The following MYO16 variants were observed in gnomAD, a reference collection of about 807,000 sequenced individuals.
MYO16 encodes unconventional myosin-XVI.
MYO16 carries 94 observed loss-of-function variants against 205.3 expected under a neutral mutation model. That is an observed-to-expected ratio of 0.46 (90% CI 0.39 to 0.54). The LOEUF is 0.54. Among genes scored for constraint, MYO16 ranks in the 20% least tolerant of loss-of-function variants. The pLI is 0.00. For missense variants in MYO16, 2,315 were observed against 2,387.5 expected (o/e 0.97, Z 0.63); for synonymous variants, 988 against 954.0 (o/e 1.04, Z -0.66).
At chr13:108,554,276 CT>C in the MYO16 span, among the ~76,000 whole-genome samples, 1 of 151,818 alleles carries the variant, frequency 6.6e-6, no homozygotes, top group Admixed American at 6.6e-5. Context: ...TTCCCTGGGT[CT>C]TTTTCTTGTG....
chr13:108,734,145 C>T (rs1398246305), intron 4 of MYO16, among the ~76,000 whole-genome samples: 2 of 151,580 alleles, frequency 1.3e-5, no homozygotes, highest in Non-Finnish European at 2.9e-5. Flanking sequence ...CAGCATATCA[C>T]CAAATTTTAT....
chr13:108,849,227 G>A (rs1003067717), intron 10 of MYO16, among the ~76,000 whole-genome samples: 1 of 151,990 alleles, frequency 6.6e-6, no homozygotes, highest in African/African-American at 2.4e-5. Context: ...GTCTTACTCT[G>A]TCGCCCAGAC....
chr13:108,851,732 C>A (rs534412880), intron 10 of MYO16, among the ~76,000 whole-genome samples: 1 of 152,092 alleles, frequency 6.6e-6, no homozygotes, highest in South Asian at 2.1e-4. Context: ...CTTGGGCCAC[C>A]TTTTTCTAGA....
At chr13:108,762,114 A>G (rs1885629342) in intron 4 of MYO16, among the ~76,000 whole-genome samples, 1 of 152,014 alleles carries the variant, frequency 6.6e-6, no homozygotes, top group Non-Finnish European at 1.5e-5. Context: ...TTTGTTTCTG[A>G]TTTGTTTCAC....
chr13:108,865,977 A>G (rs2139124757), intron 11 of MYO16, among the ~76,000 whole-genome samples, 200 bp from the exon 12 acceptor site: 1 of 152,212 alleles, frequency 6.6e-6, no homozygotes, highest in South Asian at 2.1e-4. Flanking sequence ...GTTTTATTTA[A>G]TTTGAATTAT....
chr13:109,192,710 T>C (rs1185543773), intron 34 of MYO16, among the ~76,000 whole-genome samples: 2 of 152,054 alleles, frequency 1.3e-5, no homozygotes, highest in Admixed American at 1.3e-4. Context: ...TACAGAATCC[T>C]CCAAGACTCA....
the MYO16 span, among the ~76,000 whole-genome samples, chr13:108,502,805 ATCT>A: frequency 2.6e-5 from 4 of 152,182 alleles, no homozygotes; most frequent in Admixed American, 6.5e-5. Flanking sequence ...GAGCTCTCAA[ATCT>A]TCTTTTGAAA....
chr13:108,534,433 A>T, the MYO16 span, among the ~76,000 whole-genome samples: 1 of 152,146 alleles, frequency 6.6e-6, no homozygotes, highest in African/African-American at 2.4e-5. Context: ...GATTGTTCTT[A>T]GGTTTGGTAG....
chr13:108,611,985 T>TC (rs59573178), intron 1 of MYO16, among the ~76,000 whole-genome samples: 18,679 of 142,864 alleles, frequency 0.13, 951 homozygotes, highest in Non-Finnish European at 0.18. Flanking sequence ...TTTTTTTTTT[T>TC]TTTTTTTTGA....
rs771051876 is a variant in MYO16 at position 109,098,634 on chromosome 13, A to C, written c.3336-2151A>C. On this transcript the variant is annotated intron_variant, in intron 27 of 34. Transcript: ENST00000457511. ...TGCATCTCATCGATTTGCTGAGCAT[A>C]CTTCTCAGATGTAATGGTTTCGCTG... 1.3e-5 allele frequency among the ~76,000 whole-genome samples: 2 copies of C among 152,152 alleles called. 1 individual carries two copies. Among genetic ancestry groups the C allele is most frequent in the South Asian group, 4.1e-4 (2 of 4,836 alleles).
chr13:108,756,064 T>C lies in MYO16; in HGVS notation c.507+28481T>C, dbSNP rs573026012. ...TTTTTATTGTCACTGAGTTCTCTAA[T>C]TTTATTTTTCTGCTCAGTATAAGGT... On this transcript the variant is annotated intron_variant, in intron 4 of 34. Coordinates refer to ENST00000457511, the MANE Select transcript of MYO16 (RefSeq NM_001198950.3). Among the ~76,000 whole-genome samples the C allele has an allele frequency of 3.3e-5, 5 of 152,308 alleles. No individual in the cohort carries two copies. In the South Asian group the frequency reaches 8.3e-4, roughly 25 times the overall value.
At chr13:108,897,973 T>A in intron 14 of MYO16, 43 bp from the exon 15 acceptor site, 1 of 1,442,620 alleles carries the variant, frequency 6.9e-7, no homozygotes, top group Non-Finnish European at 9.7e-7. Context: ...ATTTTATTTC[T>A]TAAAATATGA....
At chr13:109,112,472 A>G (rs1889319287) in intron 28 of MYO16, among the ~76,000 whole-genome samples, 1 of 152,086 alleles carries the variant, frequency 6.6e-6, no homozygotes, top group Non-Finnish European at 1.5e-5. Flanking sequence ...TTAATTTTTG[A>G]TGGCCGGGCA....
At chr13:109,099,976 A>G (rs1475997373) in intron 27 of MYO16, among the ~76,000 whole-genome samples, 2 of 152,226 alleles carry the variant, frequency 1.3e-5, no homozygotes, top group African/African-American at 2.4e-5. Context: ...CGGCTTGCGG[A>G]ACAGCCGAAC....
intron 16 of MYO16, among the ~76,000 whole-genome samples, chr13:108,910,585 G>A (rs1258875491): frequency 6.6e-6 from 1 of 152,196 alleles, no homozygotes; most frequent in Non-Finnish European, 1.5e-5. Context: ...TTCCTTTAAT[G>A]GAGGCAGAAA....
At chr13:108,592,302 G>A (rs1450439201), upstream of MYO16, among the ~76,000 whole-genome samples, 6 of 123,378 alleles carry the variant, frequency 4.9e-5, no homozygotes, top group Admixed American at 1.6e-4. Flanking sequence ...GAGTGTGTCC[G>A]GGAGTTGTAG....
intron 12 of MYO16, among the ~76,000 whole-genome samples, chr13:108,875,119 A>T (rs1239237475): frequency 6.6e-6 from 1 of 152,222 alleles, no homozygotes; most frequent in Non-Finnish European, 1.5e-5. Context: ...AGTCCATCTA[A>T]GATTAGCAAG....
At chr13:108,759,763 T>A (rs1463404215) in intron 4 of MYO16, among the ~76,000 whole-genome samples, 9 of 148,008 alleles carry the variant, frequency 6.1e-5, no homozygotes, top group Non-Finnish European at 1.0e-4. Flanking sequence ...GGAGTTGCAG[T>A]GAGCCGAGAT....
intron 2 of MYO16, among the ~76,000 whole-genome samples, chr13:108,702,057 C>A (rs912599784): frequency 2.6e-5 from 4 of 151,900 alleles, no homozygotes; most frequent in African/African-American, 7.3e-5. Context: ...GCCTAAGGGG[C>A]CTGTAGAGCA....
Sources: gnomAD v4.1 joint callset for allele counts (sites outside exome capture counted in the v4.1 genomes callset) on GRCh38, gnomAD v4.1.1 for gene constraint, MANE v1.5 for transcripts, NCBI Gene and HGNC (gene_info 2026-07-23, HGNC 2026-07-21) for gene names.